The following EFR3B variants were observed in gnomAD, a reference collection of about 807,000 sequenced individuals.
The protein encoded by EFR3B is EFR3 homolog B.
EFR3B carries 64 observed loss-of-function variants against 104.7 expected under a neutral mutation model. The ratio of observed to expected loss-of-function variants is 0.61; its 90% CI spans 0.50 to 0.75. The LOEUF (loss-of-function observed/expected upper bound fraction) is 0.75. Ranked by LOEUF, EFR3B falls within the 30% of genes least tolerant of loss-of-function variation. EFR3B has a pLI of 0.00. For synonymous variants in EFR3B, 385 were observed against 417.9 expected (o/e 0.92, Z 0.96); for missense variants, 750 against 1,078.5 (o/e 0.70, Z 4.27).
chr2:25,121,888 CTT>C (rs1313194919), intron 5 of EFR3B, 94 bp downstream of exon 5: 1 of 1,501,568 alleles, frequency 6.7e-7, no homozygotes, highest in Non-Finnish European at 9.0e-7. Context: ...TGCGTGTCTG[CTT>C]TTGTTAGTAT....
chr2:25,109,554 CAAAT>C (rs1006395094), intron 4 of EFR3B, among the ~76,000 whole-genome samples: 5 of 152,184 alleles, frequency 3.3e-5, no homozygotes, highest in Admixed American at 2.0e-4. Context: ...GGTTCTCAAA[CAAAT>C]AGTTGTACAC....
intron 17 of EFR3B, 59 bp downstream of exon 17, chr2:25,141,492 G>A (rs886821806): frequency 7.2e-6 from 11 of 1,531,440 alleles, no homozygotes; most frequent in African/African-American, 5.5e-5. Flanking sequence ...TAAGCAGGTG[G>A]GTGGTCTGAG....
At chr2:25,108,021 A>G (rs1573208096) in intron 4 of EFR3B, among the ~76,000 whole-genome samples, 1 of 151,956 alleles carries the variant, frequency 6.6e-6, no homozygotes, top group Non-Finnish European at 1.5e-5. Context: ...TTTAGTAGGG[A>G]TGGGGTTTCA....
At chr2:25,054,007 G>C (rs935168960) in intron 1 of EFR3B, among the ~76,000 whole-genome samples, 1 of 152,188 alleles carries the variant, frequency 6.6e-6, no homozygotes. Flanking sequence ...ACCTGGGACC[G>C]GGCTGTGTGG....
intron 1 of EFR3B, among the ~76,000 whole-genome samples, chr2:25,083,051 G>T (rs1052669525): frequency 6.6e-6 from 1 of 152,194 alleles, no homozygotes; most frequent in African/African-American, 2.4e-5. Flanking sequence ...CCAAAATCAT[G>T]TGTCATTGAA....
intron 19 of EFR3B, among the ~76,000 whole-genome samples, chr2:25,148,140 T>C (rs1670874352): frequency 6.6e-6 from 1 of 151,888 alleles, no homozygotes; most frequent in South Asian, 2.1e-4. Flanking sequence ...TTTCAGCATC[T>C]ATGGATCTCC....
chr2:25,130,411 A>G lies in EFR3B; in HGVS notation c.771-141A>G. 1 of 831,606 alleles carries G rather than the reference A, an allele frequency of 1.2e-6. No homozygotes were observed. Among genetic ancestry groups the G allele is most frequent in the Non-Finnish European group, 2.0e-6 (1 of 503,856 alleles). 51.5% of individuals were successfully genotyped at this position (831,606 alleles called of 1,614,324 possible). A position where few individuals can be genotyped will look rare whatever the true frequency, so the allele number is the denominator to read the frequency against. On this transcript the variant is annotated intron_variant, in intron 7 of 22. Transcript: ENST00000403714. The surrounding 1 kb of genome is among the most constrained non-coding windows in gnomAD (Gnocchi z 4.6). ...TCCAGCACTGGACTGGGACTACCCC[A>G]AGGCCCTTCAGGCTTCACTTCCTCA...
intron 3 of EFR3B, among the ~76,000 whole-genome samples, chr2:25,099,992 C>T (rs1252772986): frequency 6.6e-6 from 1 of 151,990 alleles, no homozygotes; most frequent in Non-Finnish European, 1.5e-5. Context: ...CACCTGAGGT[C>T]AGGAGTTCAA....
chr2:25,099,767 G>A (rs1669379403), intron 3 of EFR3B, among the ~76,000 whole-genome samples: 1 of 151,600 alleles, frequency 6.6e-6, no homozygotes, highest in South Asian at 2.1e-4. Context: ...CTGGGTAGCT[G>A]TCCCAGGAGG....
chr2:25,111,554 C>T (rs967056782), intron 4 of EFR3B, among the ~76,000 whole-genome samples: 1 of 152,124 alleles, frequency 6.6e-6, no homozygotes, highest in Non-Finnish European at 1.5e-5. Flanking sequence ...TGTCCTAATC[C>T]CTGGAACCTG....
intron 16 of EFR3B, among the ~76,000 whole-genome samples, chr2:25,141,140 CAT>C (rs1491467890): frequency 1.8e-4 from 28 of 152,104 alleles, no homozygotes; most frequent in Admixed American, 1.7e-3. Context: ...ACTTAGTGCA[CAT>C]GTGTCATTGA....
chr2:25,042,383 G>C lies in EFR3B; in HGVS notation c.7+64G>C. ...GCGACTCCGCAAACTTCCCCGGCGC[G>C]GACCATTGTCCCCCTGCACGGCCCT... is the stretch of plus-strand genomic sequence containing the variant. On this transcript the variant is annotated intron_variant, in intron 1 of 22. Coordinates refer to ENST00000403714, the MANE Select transcript of EFR3B (RefSeq NM_014971.2). The surrounding 1 kb of genome is among the most constrained non-coding windows in gnomAD (Gnocchi z 5.4). 8.1e-7 allele frequency: 1 copy of C among 1,235,198 alleles called. No individual in the cohort carries two copies. Among genetic ancestry groups the C allele is most frequent in the Non-Finnish European group, 1.0e-6 (1 of 988,238 alleles). 76.5% of individuals were successfully genotyped at this position (1,235,198 alleles called of 1,614,324 possible). A position where few individuals can be genotyped will look rare whatever the true frequency, so the allele number is the denominator to read the frequency against.
At chr2:25,133,115 G>C (rs943760838) in intron 11 of EFR3B, 101 bp downstream of exon 11, 1 of 1,153,938 alleles carries the variant, frequency 8.7e-7, no homozygotes, top group East Asian at 2.6e-5. Flanking sequence ...TCTGCCCTCT[G>C]CTCTCTTTTT....
At position 25,131,810 on chromosome 2, in the gene EFR3B, A is replaced by G. The variant is rs1204337031; in HGVS notation, c.1046A>G (p.Tyr349Cys). The G allele has an allele frequency of 1.3e-6, 2 of 1,549,314 alleles. No individual in the cohort carries two copies. Among genetic ancestry groups the G allele is most frequent in the Non-Finnish European group, 1.7e-6 (2 of 1,146,324 alleles). The change falls in exon 10 of 23, where the codon TAC becomes TGC. Residue 349 changes from tyrosine to cysteine, a missense_variant. Physicochemically the swap from Tyr to Cys is radical, Grantham distance 194. Coordinates refer to ENST00000403714, the MANE Select transcript of EFR3B (RefSeq NM_014971.2). The surrounding 1 kb of genome is among the most constrained non-coding windows in gnomAD (Gnocchi z 7.6). ...LLRQLRLSID[Y>C]ALTGSYDGAV... Reference sequence around the variant, plus strand: ...AGGCAGCTGCGGCTCAGCATCGACTACGCGCTGACCGGGAGCTACGACGGG... The same window carrying G: ...AGGCAGCTGCGGCTCAGCATCGACTGCGCGCTGACCGGGAGCTACGACGGG...
Position 25,120,509 on chromosome 2 carries a change from T to TGGTG in EFR3B, c.364-1162_364-1161insTGGG, listed in dbSNP as rs1423678936. Among the ~76,000 whole-genome samples the TGGTG allele has an allele frequency of 2.5e-3, 385 of 152,178 alleles. 2 individuals are homozygous for TGGTG. Among genetic ancestry groups the TGGTG allele is most frequent in the African/African-American group, 8.9e-3 (369 of 41,530 alleles). On this transcript the variant is annotated intron_variant, in intron 4 of 22. Transcript: ENST00000403714. Reference sequence around the variant, plus strand: ...AAATACAAAAATTAGCTGGGCATGGTGGCACGCATCTGTAGTCCCAGCTAC... The same window carrying TGGTG: ...AAATACAAAAATTAGCTGGGCATGGTGGTGGGCACGCATCTGTAGTCCCAGCTAC...
At chr2:25,091,654 G>C (rs1417744699) in intron 2 of EFR3B, among the ~76,000 whole-genome samples, 3 of 152,250 alleles carry the variant, frequency 2.0e-5, no homozygotes, top group African/African-American at 7.2e-5. Flanking sequence ...TGGCATGCTT[G>C]TGGCCATCAC....
chr2:25,046,254 G>A (rs950121936), intron 1 of EFR3B, among the ~76,000 whole-genome samples: 4 of 151,758 alleles, frequency 2.6e-5, no homozygotes, highest in East Asian at 4.0e-4. Flanking sequence ...GCATGGTGGC[G>A]TGCACCTGTA....
intron 1 of EFR3B, among the ~76,000 whole-genome samples, chr2:25,058,569 G>A (rs1668087644): frequency 6.6e-6 from 1 of 152,050 alleles, no homozygotes; most frequent in South Asian, 2.1e-4. Context: ...GAACAGCCTG[G>A]CCAACATGAT....
Position 25,141,285 on chromosome 2 carries a change from C to T in EFR3B, c.1855-81C>T, listed in dbSNP as rs1458205405. On this transcript the variant is annotated intron_variant, in intron 16 of 22. Transcript: ENST00000403714. ...CTGTGGGAGGGAGGAAGCACCGAGC[C>T]GGGCATGGGAGCTCTTTCGTTGCCT... is the stretch of plus-strand genomic sequence containing the variant. The T allele has an allele frequency of 1.0e-5, 15 of 1,440,724 alleles. No homozygotes were observed. The Admixed American group carries it at 1.1e-4, about 10-fold the overall frequency. The allele number at this position is 1,440,724 out of a possible 1,614,324, so 89.2% of individuals were successfully genotyped here.
Sources: allele counts gnomAD v4.1 joint callset (sites outside exome capture counted in the v4.1 genomes callset), GRCh38; gene constraint gnomAD v4.1.1; non-coding constraint Gnocchi (gnomAD v3.1); transcripts MANE v1.5; gene names NCBI Gene and HGNC (gene_info 2026-07-23, HGNC 2026-07-21).